PRKN: variants seen among roughly 807,000 people sequenced by gnomAD.
PRKN encodes E3 ubiquitin-protein ligase parkin.
In PRKN, 56 loss-of-function variants were observed where a neutral mutation model predicts 59.5. The observed-to-expected ratio is 0.94, with a 90% confidence interval of 0.76 to 1.18. The LOEUF (loss-of-function observed/expected upper bound fraction) is 1.18, where lower values mean the gene tolerates loss of function less well. Ranked by LOEUF, PRKN falls within the 50% of genes most tolerant of loss-of-function variation. The pLI is 0.00. For missense variants in PRKN, 657 were observed against 596.4 expected (o/e 1.10, Z -1.06); for synonymous variants, 250 against 222.1 (o/e 1.13, Z -1.12).
At chr6:161,626,653 C>A (rs1359290121) in intron 7 of PRKN, among the ~76,000 whole-genome samples, 1 of 152,170 alleles carries the variant, frequency 6.6e-6, no homozygotes, top group African/African-American at 2.4e-5. Flanking sequence ...TTGGGTCAGA[C>A]CCGCAGACCC....
chr6:161,528,599 C>G (rs1375047622), intron 9 of PRKN, among the ~76,000 whole-genome samples: 1 of 152,156 alleles, frequency 6.6e-6, no homozygotes, highest in Non-Finnish European at 1.5e-5. Flanking sequence ...TCATATAACA[C>G]GCAACTGACT....
intron 9 of PRKN, among the ~76,000 whole-genome samples, chr6:161,513,745 A>G (rs2115338701): frequency 6.6e-6 from 1 of 152,166 alleles, no homozygotes; most frequent in African/African-American, 2.4e-5. Context: ...CCCCTGTAAG[A>G]CATCTCATGA....
intron 9 of PRKN, among the ~76,000 whole-genome samples, chr6:161,506,223 C>T (rs1778164728): frequency 6.6e-6 from 1 of 151,894 alleles, no homozygotes; most frequent in South Asian, 2.1e-4. Context: ...TTGTAGTTCT[C>T]CTTGAAGAGG....
At chr6:161,919,198 G>A (rs566972740) in intron 6 of PRKN, among the ~76,000 whole-genome samples, 3 of 152,188 alleles carry the variant, frequency 2.0e-5, no homozygotes, top group Admixed American at 6.5e-5. Flanking sequence ...AGAGTTTCAC[G>A]TACAATAACT....
At chr6:162,708,445 T>C (rs1397186204) in intron 1 of PRKN, among the ~76,000 whole-genome samples, 2 of 152,186 alleles carry the variant, frequency 1.3e-5, no homozygotes, top group African/African-American at 4.8e-5. Context: ...AAAGCAAACA[T>C]AGCAAGACAA....
chr6:161,636,824 G>C (rs1357098831), intron 7 of PRKN, among the ~76,000 whole-genome samples: 1 of 152,160 alleles, frequency 6.6e-6, no homozygotes, highest in Non-Finnish European at 1.5e-5. Flanking sequence ...GGCTGTTTCA[G>C]AGCTTCAGTC....
rs1043407427 is a variant in PRKN at position 161,417,600 on chromosome 6, C to CGGG, written c.1084-30726_1084-30724dup. ...TGTGTCTTAGAAAAGAAAAAACTCA[C>CGGG]GGGGCTGGGGGTTACATCTATTGTT... On this transcript the variant is annotated intron_variant, in intron 9 of 11. Coordinates refer to ENST00000366898, the MANE Select transcript of PRKN (RefSeq NM_004562.3). This position sits in a 1 kb window ranked among gnomAD's most constrained non-coding sequence, Gnocchi z 5.4. Among the ~76,000 whole-genome samples the CGGG allele has an allele frequency of 6.6e-6, 1 of 152,070 alleles. No homozygotes were observed. Among genetic ancestry groups the CGGG allele is most frequent in the Admixed American group, 6.5e-5 (1 of 15,274 alleles).
intron 4 of PRKN, among the ~76,000 whole-genome samples, chr6:162,164,360 T>G (rs1782888322): frequency 6.7e-6 from 1 of 148,360 alleles, no homozygotes; most frequent in Admixed American, 6.7e-5. Context: ...AGGTCTGCGC[T>G]ACCATGCCCG....
At chr6:161,504,528 T>TTTTTA (rs1778080095) in intron 9 of PRKN, among the ~76,000 whole-genome samples, 1 of 12,074 alleles carries the variant, frequency 8.3e-5, no homozygotes, top group Non-Finnish European at 2.4e-4. Context: ...TGAAACTTTC[T>TTTTTA]TTTTTATTAT....
At chr6:161,825,005 G>T (rs544667002) in intron 6 of PRKN, among the ~76,000 whole-genome samples, 1 of 152,170 alleles carries the variant, frequency 6.6e-6, no homozygotes, top group African/African-American at 2.4e-5. Context: ...CCTCAAATTT[G>T]AAAACAAGCC....
chr6:161,680,726 C>CATACATATATATATATATAT (rs1785285558), intron 7 of PRKN, among the ~76,000 whole-genome samples: 1 of 51,038 alleles, frequency 2.0e-5, no homozygotes, highest in Admixed American at 3.4e-4. Context: ...TCCTGAAATA[C>CATACATATATATATATATAT]ATATATATAT....
chr6:161,699,367 A>C (rs1786157917), intron 7 of PRKN, among the ~76,000 whole-genome samples: 2 of 152,154 alleles, frequency 1.3e-5, no homozygotes, highest in African/African-American at 4.8e-5. Flanking sequence ...AAATTAAACC[A>C]TATGTTCATA....
intron 1 of PRKN, among the ~76,000 whole-genome samples, chr6:162,553,959 G>C (rs1416865265): frequency 1.3e-5 from 2 of 152,078 alleles, no homozygotes; most frequent in East Asian, 3.9e-4. Context: ...TGGGGAAGGA[G>C]AGAAAGCGGC....
chr6:162,545,759 T>C (rs953779277), intron 1 of PRKN, among the ~76,000 whole-genome samples: 9 of 152,168 alleles, frequency 5.9e-5, no homozygotes, highest in Non-Finnish European at 1.2e-4. Context: ...CTTTTAAACA[T>C]GTTTGATAAT....
rs1787074020 is a variant in PRKN, at chr6:161,402,028, T to A, written c.1084-15151A>T. On this transcript the variant is annotated intron_variant, in intron 9 of 11. Transcript: ENST00000366898. The surrounding 1 kb of genome is among the most constrained non-coding windows in gnomAD (Gnocchi z 4.5). Reference sequence around the variant, plus strand: ...AGCATTTCCCACATTATCCTCTCGATATGCATCTCTGCCATGACTATCAGA... The same window carrying A: ...AGCATTTCCCACATTATCCTCTCGAAATGCATCTCTGCCATGACTATCAGA... Among the ~76,000 whole-genome samples, 1 of 152,140 alleles carries A rather than the reference T, an allele frequency of 6.6e-6. No homozygotes were observed. Among genetic ancestry groups the A allele is most frequent in the South Asian group, 2.1e-4 (1 of 4,832 alleles).
intron 2 of PRKN, among the ~76,000 whole-genome samples, chr6:162,321,419 G>C (rs1222326946): frequency 6.6e-6 from 1 of 151,854 alleles, no homozygotes; most frequent in South Asian, 2.1e-4. Flanking sequence ...TTTAGGCCCA[G>C]ATGTCTTCAC....
In PRKN at chr6:162,236,898, G is replaced by A. The variant is rs141270533; in HGVS notation, c.412+25627C>T. On this transcript the variant is annotated intron_variant, in intron 3 of 11. Coordinates refer to ENST00000366898, the MANE Select transcript of PRKN (RefSeq NM_004562.3). ...AATGGGAGAGAGAGAGAGAGAAGGA[G>A]GGAAGGAAGGAAGGAAGGAGAGAGA... 4.4e-3 allele frequency among the ~76,000 whole-genome samples: 669 copies of A among 150,566 alleles called. 9 individuals are homozygous for A. Among genetic ancestry groups the A allele is most frequent in the African/African-American group, 0.016 (645 of 40,980 alleles).
chr6:162,440,578 T>A (rs1485214210), intron 2 of PRKN, among the ~76,000 whole-genome samples: 1 of 152,174 alleles, frequency 6.6e-6, no homozygotes, highest in Non-Finnish European at 1.5e-5. Context: ...CAATATCTCA[T>A]TTTGCATGAT....
At position 161,480,510 on chromosome 6, in the gene PRKN, G is replaced by A. The variant is rs970608380; in HGVS notation, c.1083+68344C>T. ...AGCAGACTCACAAAATGCCAGAAGC[G>A]AGAGTTTGATTCCATTGGTATTAAT... On this transcript the variant is annotated intron_variant, in intron 9 of 11. Coordinates refer to ENST00000366898, the MANE Select transcript of PRKN (RefSeq NM_004562.3). This position sits in a 1 kb window ranked among gnomAD's most constrained non-coding sequence, Gnocchi z 4.1. 3.3e-5 allele frequency among the ~76,000 whole-genome samples: 5 copies of A among 152,188 alleles called. No individual in the cohort carries two copies. Among genetic ancestry groups the A allele is most frequent in the African/African-American group, 9.6e-5 (4 of 41,454 alleles).
Sources: gnomAD v4.1 joint callset for allele counts (sites outside exome capture counted in the v4.1 genomes callset) on GRCh38, gnomAD v4.1.1 for gene constraint, Gnocchi (gnomAD v3.1) non-coding constraint, MANE v1.5 for transcripts, NCBI Gene and HGNC (gene_info 2026-07-23, HGNC 2026-07-21) for gene names.